CMC1: variants seen among roughly 807,000 people sequenced by gnomAD.
The protein encoded by CMC1 is COX assembly mitochondrial protein homolog.
Under a neutral mutation model 14.1 loss-of-function variants are expected in CMC1, and 14 were observed. The ratio of observed to expected loss-of-function variants is 0.99; its 90% CI spans 0.66 to 1.55. The LOEUF (loss-of-function observed/expected upper bound fraction) is 1.55. Ranked by LOEUF, CMC1 falls within the 40% of genes most tolerant of loss-of-function variation. CMC1 has a pLI of 0.00. For missense variants in CMC1, 127 were observed against 123.8 expected (o/e 1.03, Z -0.12); for synonymous variants, 50 against 38.4 (o/e 1.30, Z -1.12).
rs562236713 is a variant in CMC1, at chr3:28,298,012, T to G, written c.110-18321T>G. Among the ~76,000 whole-genome samples, 6 of 152,042 alleles carry G rather than the reference T, an allele frequency of 3.9e-5. No individual in the cohort carries two copies. In the East Asian group the frequency reaches 1.2e-3, roughly 29 times the overall value. On this transcript the variant is annotated intron_variant, in intron 2 of 3. Coordinates refer to ENST00000466830, the MANE Select transcript of CMC1 (RefSeq NM_182523.2). ...AAACCAAACTGAGATGTTGGTCTGG[T>G]TCAAGAAAAACAGGATGGAGCCTTT...
intron 2 of CMC1, among the ~76,000 whole-genome samples, chr3:28,309,748 C>T (rs1358839644): frequency 1.3e-5 from 2 of 151,784 alleles, no homozygotes; most frequent in Non-Finnish European, 2.9e-5. Flanking sequence ...GCCCTTAGAA[C>T]ACAGCCTAAA....
At chr3:28,314,350 G>C (rs1702785085) in intron 2 of CMC1, among the ~76,000 whole-genome samples, 1 of 152,196 alleles carries the variant, frequency 6.6e-6, no homozygotes. Context: ...TTTGCCTTTT[G>C]AGTGTTAGAG....
rs111291756 is a variant in CMC1, at chr3:28,301,708, A to G, written c.110-14625A>G. ...ATAAATAAATTTGACAAATGAGCGT[A>G]CTATAAAGTGGGTGACAAGGATTTG... On this transcript the variant is annotated intron_variant, in intron 2 of 3. Coordinates refer to ENST00000466830, the MANE Select transcript of CMC1 (RefSeq NM_182523.2). 2.6e-3 allele frequency among the ~76,000 whole-genome samples: 393 copies of G among 152,180 alleles called. 2 individuals carry two copies. The highest frequency in any genetic ancestry group is 8.9e-3 in the African/African-American group (371 of 41,508).
intron 2 of CMC1, among the ~76,000 whole-genome samples, chr3:28,291,395 C>A (rs1388340690): frequency 6.6e-6 from 1 of 151,960 alleles, no homozygotes; most frequent in Non-Finnish European, 1.5e-5. Context: ...CTGTGATTAT[C>A]TTGAGTAATT....
intron 2 of CMC1, among the ~76,000 whole-genome samples, chr3:28,313,894 C>T (rs988012271): frequency 6.6e-6 from 1 of 152,158 alleles, no homozygotes; most frequent in Non-Finnish European, 1.5e-5. Context: ...CTGTGTTTTC[C>T]GGAAAAGGAC....
intron 2 of CMC1, among the ~76,000 whole-genome samples, chr3:28,286,483 C>A (rs1342712028): frequency 1.3e-5 from 2 of 152,102 alleles, no homozygotes; most frequent in African/African-American, 4.8e-5. Flanking sequence ...TTAAGTATGT[C>A]TTTCTTATCT....
chr3:28,314,843 A>C (rs1460161984), intron 2 of CMC1, among the ~76,000 whole-genome samples: 1 of 152,162 alleles, frequency 6.6e-6, no homozygotes, highest in Non-Finnish European at 1.5e-5. Context: ...TTACATAATT[A>C]TGTATTTTCA....
intron 2 of CMC1, among the ~76,000 whole-genome samples, chr3:28,289,033 A>G (rs746231480): frequency 7.9e-5 from 12 of 151,564 alleles, no homozygotes; most frequent in Admixed American, 2.0e-4. Context: ...GTCTATTTGT[A>G]TCATTCTTTT....
At chr3:28,267,040 C>T (rs1412147653) in intron 2 of CMC1, among the ~76,000 whole-genome samples, 1 of 152,052 alleles carries the variant, frequency 6.6e-6, no homozygotes, top group Non-Finnish European at 1.5e-5. Flanking sequence ...GAAATCATTG[C>T]TTTTTCTTGG....
intron 2 of CMC1, among the ~76,000 whole-genome samples, chr3:28,275,061 G>A (rs1266367738): frequency 1.3e-5 from 2 of 152,124 alleles, no homozygotes; most frequent in African/African-American, 4.8e-5. Context: ...AGTGAAGTTT[G>A]TTATTGCCCA....
intron 2 of CMC1, among the ~76,000 whole-genome samples, chr3:28,285,417 AAC>A (rs1701121466): frequency 6.6e-6 from 1 of 152,234 alleles, no homozygotes; most frequent in Non-Finnish European, 1.5e-5. Context: ...TTAAAAAAAA[AAC>A]ACATGACTTT....
At chr3:28,297,997 G>A (rs1439131782) in intron 2 of CMC1, among the ~76,000 whole-genome samples, 1 of 151,958 alleles carries the variant, frequency 6.6e-6, no homozygotes, top group Non-Finnish European at 1.5e-5. Context: ...AAACCAAACT[G>A]AGATGTTGGT....
At chr3:28,269,589 C>T (rs534244637) in intron 2 of CMC1, among the ~76,000 whole-genome samples, 5 of 151,410 alleles carry the variant, frequency 3.3e-5, no homozygotes, top group East Asian at 1.9e-4. Flanking sequence ...TCTTTGAAAC[C>T]GAGTCTCTCT....
chr3:28,311,073 C>T (rs988899159), intron 2 of CMC1, among the ~76,000 whole-genome samples: 4 of 152,130 alleles, frequency 2.6e-5, no homozygotes, highest in African/African-American at 9.7e-5. Flanking sequence ...TGGGGGACCC[C>T]TGTTGTAAAA....
intron 2 of CMC1, among the ~76,000 whole-genome samples, chr3:28,278,214 GAACA>G (rs1242390473): frequency 6.6e-6 from 1 of 152,154 alleles, no homozygotes; most frequent in Non-Finnish European, 1.5e-5. Flanking sequence ...TATTTGTCCT[GAACA>G]AGTAAAAGAG....
chr3:28,302,816 C>T (rs1220282997), intron 2 of CMC1, among the ~76,000 whole-genome samples: 3 of 152,150 alleles, frequency 2.0e-5, no homozygotes, highest in African/African-American at 7.2e-5. Context: ...ACCATTGCCA[C>T]TTGCTTCCCA....
In CMC1 at chr3:28,242,561, C is replaced by T. The variant is rs149707183; in HGVS notation, c.19+749C>T. Among the ~76,000 whole-genome samples, 613 of 152,298 alleles carry T rather than the reference C, an allele frequency of 4.0e-3. 4 individuals carry two copies. The highest frequency in any genetic ancestry group is 7.0e-3 in the Non-Finnish European group (473 of 68,036). ...GATTCAGAAATGGAAAATGCTCTTTCGGAGCCTTCAAGGAGCATGGAAAAT... is the reference window on the plus strand; with the variant it reads ...GATTCAGAAATGGAAAATGCTCTTTTGGAGCCTTCAAGGAGCATGGAAAAT... On this transcript the variant is annotated intron_variant, in intron 1 of 3. Transcript: ENST00000466830.
chr3:28,281,375 G>C (rs1315702176), intron 2 of CMC1, among the ~76,000 whole-genome samples: 1 of 152,162 alleles, frequency 6.6e-6, no homozygotes, highest in African/African-American at 2.4e-5. Context: ...TTCCTTTTCT[G>C]AGTTTTTTCT....
At chr3:28,283,449 G>A (rs533923411) in intron 2 of CMC1, among the ~76,000 whole-genome samples, 30 of 151,848 alleles carry the variant, frequency 2.0e-4, no homozygotes, top group Admixed American at 1.4e-3. Context: ...GATGCAGGAA[G>A]TGGAGGTTGT....
Sources: allele counts gnomAD v4.1 joint callset (sites outside exome capture counted in the v4.1 genomes callset), GRCh38; gene constraint gnomAD v4.1.1; transcripts MANE v1.5; gene names NCBI Gene and HGNC (gene_info 2026-07-23, HGNC 2026-07-21).